The following FOXN3 variants were observed in gnomAD, a reference collection of about 807,000 sequenced individuals.
FOXN3 encodes the protein forkhead box N3, also known as forkhead box protein N3.
In FOXN3, 7 loss-of-function variants were observed where a neutral mutation model predicts 38.4. The ratio of observed to expected loss-of-function variants is 0.18; its 90% CI spans 0.10 to 0.34. The LOEUF is 0.34. Among genes scored for constraint, FOXN3 ranks in the 10% least tolerant of loss-of-function variants. The pLI is 1.00. For missense variants in FOXN3, 456 were observed against 613.4 expected (o/e 0.74, Z 2.71); for synonymous variants, 230 against 242.2 (o/e 0.95, Z 0.47).
At chr14:89,315,689 G>A (rs1458996121) in intron 3 of FOXN3, among the ~76,000 whole-genome samples, 8 of 152,200 alleles carry the variant, frequency 5.3e-5, no homozygotes, top group Non-Finnish European at 8.8e-5. Flanking sequence ...TCACTCTGCC[G>A]AAAGATCTGC....
intron 3 of FOXN3, among the ~76,000 whole-genome samples, chr14:89,287,036 C>T (rs1012232252): frequency 6.6e-6 from 1 of 152,144 alleles, no homozygotes; most frequent in African/African-American, 2.4e-5. Flanking sequence ...AGTCTTTTAA[C>T]TTGTCAAAGT....
At chr14:89,433,414 TG>T (rs1404450896) in intron 1 of FOXN3, among the ~76,000 whole-genome samples, 1 of 152,064 alleles carries the variant, frequency 6.6e-6, no homozygotes, top group Non-Finnish European at 1.5e-5. Context: ...CTCAGGAGGC[TG>T]AGGTTGCAGT....
chr14:89,272,321 A>AT (rs1225831439), intron 4 of FOXN3, among the ~76,000 whole-genome samples: 1 of 152,094 alleles, frequency 6.6e-6, no homozygotes, highest in African/African-American at 2.4e-5. Flanking sequence ...TCAAAAAAAA[A>AT]GAAGTGATGG....
chr14:89,379,307 T>C (rs1732006978), intron 2 of FOXN3, among the ~76,000 whole-genome samples: 1 of 152,080 alleles, frequency 6.6e-6, no homozygotes, highest in African/African-American at 2.4e-5. Context: ...CAGTCGACAG[T>C]GGTGAAGATC....
At chr14:89,545,218 T>C (rs769004832) in intron 1 of FOXN3, among the ~76,000 whole-genome samples, 2 of 152,238 alleles carry the variant, frequency 1.3e-5, no homozygotes, top group African/African-American at 2.4e-5. Flanking sequence ...TAATGAATCG[T>C]CACCTTCAGT....
intron 1 of FOXN3, among the ~76,000 whole-genome samples, chr14:89,483,316 C>T (rs1893379322): frequency 6.6e-6 from 1 of 152,106 alleles, no homozygotes; most frequent in Non-Finnish European, 1.5e-5. Context: ...AGGCCTGGGA[C>T]CTCAAAATAC....
chr14:89,425,199 T>C (rs998907528), intron 1 of FOXN3, among the ~76,000 whole-genome samples: 1 of 151,640 alleles, frequency 6.6e-6, no homozygotes, highest in Non-Finnish European at 1.5e-5. Context: ...GCCTCCCAAG[T>C]AGCTGGGATT....
intron 4 of FOXN3, among the ~76,000 whole-genome samples, chr14:89,268,201 G>A (rs1292948048): frequency 6.6e-6 from 1 of 152,158 alleles, no homozygotes; most frequent in African/African-American, 2.4e-5. Context: ...CTCTCAAGAA[G>A]TAAGTGAAAT....
intron 1 of FOXN3, among the ~76,000 whole-genome samples, chr14:89,439,475 A>T (rs980029496): frequency 6.6e-6 from 1 of 152,120 alleles, no homozygotes; most frequent in Admixed American, 6.5e-5. Context: ...CTACACTCCC[A>T]CCAGCACCAT....
intron 1 of FOXN3, among the ~76,000 whole-genome samples, chr14:89,456,643 C>T (rs981771977): frequency 3.3e-4 from 51 of 152,300 alleles, no homozygotes; most frequent in Admixed American, 7.8e-4. Flanking sequence ...GTAATCCCAC[C>T]TACTCGGGAG....
At chr14:89,297,425 T>C (rs1396258103) in intron 3 of FOXN3, among the ~76,000 whole-genome samples, 1 of 151,864 alleles carries the variant, frequency 6.6e-6, no homozygotes, top group African/African-American at 2.4e-5. Flanking sequence ...CCGGGCGTGG[T>C]GGCGGGCGCC....
At chr14:89,380,155 T>C (rs1890600922) in intron 2 of FOXN3, among the ~76,000 whole-genome samples, 1 of 152,180 alleles carries the variant, frequency 6.6e-6, no homozygotes, top group African/African-American at 2.4e-5. Context: ...AATTGAATCA[T>C]AGGGGCACGT....
At chr14:89,199,189 G>A (rs983381701) in intron 4 of FOXN3, among the ~76,000 whole-genome samples, 1 of 152,178 alleles carries the variant, frequency 6.6e-6, no homozygotes, top group South Asian at 2.1e-4. Context: ...GTGAGCAGGA[G>A]GGATGAAGTG....
At chr14:89,334,362 C>A (rs568660326) in intron 3 of FOXN3, among the ~76,000 whole-genome samples, 25 of 152,250 alleles carry the variant, frequency 1.6e-4, no homozygotes, top group Admixed American at 1.5e-3. Flanking sequence ...GTAATCCCAG[C>A]ACTTTGGGAG....
At chr14:89,274,297 A>C (rs1886236301) in intron 4 of FOXN3, among the ~76,000 whole-genome samples, 1 of 152,202 alleles carries the variant, frequency 6.6e-6, no homozygotes, top group African/African-American at 2.4e-5. Flanking sequence ...TGAGAAAGGA[A>C]GGTATTTGGG....
intron 4 of FOXN3, among the ~76,000 whole-genome samples, chr14:89,261,950 C>T (rs1022356566): frequency 4.6e-5 from 7 of 151,602 alleles, no homozygotes; most frequent in African/African-American, 1.7e-4. Context: ...CAAAACAAAA[C>T]AAAATTAGCC....
At chr14:89,312,284 C>CA (rs59949946) in intron 3 of FOXN3, among the ~76,000 whole-genome samples, 1,320 of 60,582 alleles carry the variant, frequency 0.022, 57 homozygotes, top group Middle Eastern at 0.03. Context: ...GACTCGGTCT[C>CA]AAAAAAAAAA....
chr14:89,426,200 G>A (rs1046857711), intron 1 of FOXN3, among the ~76,000 whole-genome samples: 76 of 140,972 alleles, frequency 5.4e-4, no homozygotes, highest in African/African-American at 1.8e-3. Context: ...GACCACAAAA[G>A]CACCAGGAGT....
At chr14:89,198,953 G>C (rs1276271045) in intron 4 of FOXN3, among the ~76,000 whole-genome samples, 2 of 152,186 alleles carry the variant, frequency 1.3e-5, no homozygotes, top group African/African-American at 4.8e-5. Flanking sequence ...CTAGGCATCG[G>C]TTAAGACAGA....
Sources: allele counts gnomAD v4.1 joint callset (sites outside exome capture counted in the v4.1 genomes callset), GRCh38; gene constraint gnomAD v4.1.1; transcripts MANE v1.5; gene names NCBI Gene and HGNC (gene_info 2026-07-23, HGNC 2026-07-21).